The following GSE1 variants were observed in gnomAD, a reference collection of about 807,000 sequenced individuals.
The protein encoded by GSE1 is Gse1 coiled-coil protein, also known as genetic suppressor element 1.
GSE1 carries 32 observed loss-of-function variants against 112.6 expected under a neutral mutation model. The ratio of observed to expected loss-of-function variants is 0.28; its 90% confidence interval spans 0.21 to 0.38. GSE1 has a LOEUF of 0.38. GSE1 is among the 10% of genes least tolerant of loss of function. The pLI is 1.00. For missense variants in GSE1, 2,348 were observed against 1,699.2 expected, an observed-to-expected ratio of 1.38 and a Z score of -6.71; for synonymous variants, 1,115 against 735.6, an observed-to-expected ratio of 1.52 and a Z score of -8.35.
rs915987143 is a variant in GSE1 at position 85,346,231 on chromosome 16, G to A, written c.2284-11232G>A. Among the ~76,000 whole-genome samples the A allele has an allele frequency of 7.3e-5, 11 of 150,968 alleles. 1 individual carries two copies. The South Asian group carries it at 1.9e-3, about 26-fold the overall frequency. Reference sequence around the variant, plus strand: ...AAGATGGATGCATAGATGGAGGGGCGGGTGGGTGGATGATGGATGGATGGA... The same window carrying A: ...AAGATGGATGCATAGATGGAGGGGCAGGTGGGTGGATGATGGATGGATGGA... On this transcript the variant is annotated intron_variant, in intron 1 of 2. Transcript: ENST00000637419.
At chr16:85,417,012 G>C (rs1230585850) in intron 2 of GSE1, among the ~76,000 whole-genome samples, 1 of 152,216 alleles carries the variant, frequency 6.6e-6, no homozygotes, top group Admixed American at 6.5e-5. Flanking sequence ...AAGCCACCAT[G>C]CCCGGCTAAT....
chr16:85,375,785 C>T lies in GSE1; in HGVS notation c.2464+18142C>T, dbSNP rs114410530. Among the ~76,000 whole-genome samples the T allele has an allele frequency of 1.7e-3, 259 of 152,362 alleles. 1 individual carries two copies. Among genetic ancestry groups the T allele is most frequent in the African/African-American group, 5.9e-3 (245 of 41,590 alleles). On this transcript the variant is annotated intron_variant, in intron 2 of 2. Coordinates refer to the GSE1 transcript ENST00000637419. The stretch of plus-strand genomic sequence containing the variant: ...GCTCCGTAGCCACACTGCCCGCCTC[C>T]AGTACCCTGGCCCCTGTGACTCTCT...
At chr16:85,579,141 T>A (rs2046347750) in intron 1 of GSE1, among the ~76,000 whole-genome samples, 1 of 152,162 alleles carries the variant, frequency 6.6e-6, no homozygotes, top group Non-Finnish European at 1.5e-5. Context: ...CTTGGTGGTG[T>A]CAGCTTGGAG....
At chr16:85,634,663 G>GC (rs918302144) in intron 2 of GSE1, among the ~76,000 whole-genome samples, 3 of 152,188 alleles carry the variant, frequency 2.0e-5, no homozygotes, top group African/African-American at 7.2e-5. Context: ...TAGACAAGCG[G>GC]CCCCCGGGGT....
intron 2 of GSE1, among the ~76,000 whole-genome samples, chr16:85,402,146 A>G (rs2048129251): frequency 2.0e-5 from 3 of 152,214 alleles, no homozygotes; most frequent in Admixed American, 2.0e-4. Flanking sequence ...AACGCAGCTT[A>G]CGGCACACTC....
chr16:85,644,405 C>T (rs1244368740), intron 2 of GSE1, among the ~76,000 whole-genome samples: 1 of 151,760 alleles, frequency 6.6e-6, no homozygotes, highest in Non-Finnish European at 1.5e-5. Flanking sequence ...AAGGTGGGCC[C>T]AGCCTGTATG....
intron 2 of GSE1, among the ~76,000 whole-genome samples, chr16:85,519,281 TCACCACCAC>T (rs1482135665): frequency 8.8e-6 from 1 of 113,202 alleles, no homozygotes; most frequent in East Asian, 3.9e-4. Context: ...ATCATCACCA[TCACCACCAC>T]CATCACCGGT....
intron 2 of GSE1, among the ~76,000 whole-genome samples, chr16:85,495,831 G>A (rs2051158294): frequency 6.6e-6 from 1 of 152,202 alleles, no homozygotes. Flanking sequence ...TGCCAGGGCA[G>A]TTAAGGCCTA....
chr16:85,554,012 T>C (rs1353183968), upstream of GSE1, among the ~76,000 whole-genome samples: 3 of 152,206 alleles, frequency 2.0e-5, no homozygotes, highest in Non-Finnish European at 2.9e-5. Context: ...CCTCAAACCA[T>C]GATTGTATCT....
At chr16:85,171,576 C>T in exon 1 of GSE1, 1 of 985,594 alleles carries the variant, frequency 1.0e-6, no homozygotes, top group Non-Finnish European at 1.2e-6. Flanking sequence ...CGTTCGTGTG[C>T]TTCTTTTGTC....
At position 85,246,859 on chromosome 16, in the gene GSE1, G is replaced by A. The variant is rs142382692; in HGVS notation, c.2283+75052G>A. Among the ~76,000 whole-genome samples, 365 of 152,222 alleles carry A rather than the reference G, an allele frequency of 2.4e-3. 1 individual carries two copies. The highest frequency in any genetic ancestry group is 7.5e-3 in the African/African-American group (313 of 41,540). On this transcript the variant is annotated intron_variant, in intron 1 of 2. Transcript: ENST00000637419. ...CTCAGGAAATCAGCCCCTTTGTCAC[G>A]GAGTCCTGGCTGGTTTGTCCCCCAC...
upstream of GSE1, among the ~76,000 whole-genome samples, chr16:85,612,795 C>T (rs778875855): frequency 6.6e-5 from 10 of 152,234 alleles, no homozygotes; most frequent in Non-Finnish European, 1.2e-4. Flanking sequence ...CAAAAGGCCT[C>T]CAGGACACGG....
rs989951062 is a variant in GSE1 at position 85,556,760 on chromosome 16, C to A, written c.37+397C>A. ...CGATCGGGTAGCATGCCCCCCCCCC[C>A]CCCAGTCCTGGGGTTTATTTCCCTC... On this transcript the variant is annotated intron_variant, in intron 1 of 2. Transcript: ENST00000635906. Among the ~76,000 whole-genome samples, 179 of 145,808 alleles carry A rather than the reference C, an allele frequency of 1.2e-3. 2 individuals carry two copies. Among genetic ancestry groups the A allele is most frequent in the African/African-American group, 3.3e-3 (133 of 39,976 alleles).
At chr16:85,600,449 G>A (rs1270895205) in intron 1 of GSE1, among the ~76,000 whole-genome samples, 1 of 152,102 alleles carries the variant, frequency 6.6e-6, no homozygotes, top group Non-Finnish European at 1.5e-5. Context: ...TTTCGTGGGA[G>A]AGGAGAGTGT....
upstream of GSE1, among the ~76,000 whole-genome samples, chr16:85,610,293 A>G (rs1302884014): frequency 2.6e-5 from 4 of 152,194 alleles, no homozygotes; most frequent in Non-Finnish European, 5.9e-5. Context: ...AGCTCCTTCC[A>G]GGCAAATGGG....
intron 1 of GSE1, among the ~76,000 whole-genome samples, chr16:85,286,673 C>A (rs1423270088): frequency 6.6e-6 from 1 of 151,564 alleles, no homozygotes; most frequent in Non-Finnish European, 1.5e-5. Flanking sequence ...TCTATTAGTC[C>A]AATTGCCCAA....
At chr16:85,521,415 C>A (rs1273536517) in intron 2 of GSE1, among the ~76,000 whole-genome samples, 2 of 152,212 alleles carry the variant, frequency 1.3e-5, no homozygotes, top group African/African-American at 2.4e-5. Context: ...CCTCCCAGCC[C>A]AGCCTCCTTG....
chr16:85,302,840 C>G (rs902448701), intron 1 of GSE1, among the ~76,000 whole-genome samples: 2 of 152,204 alleles, frequency 1.3e-5, no homozygotes, highest in African/African-American at 4.8e-5. Context: ...GCGGCTGTCA[C>G]AAGTAACCCT....
At chr16:85,385,312 T>A (rs760120764) in intron 2 of GSE1, among the ~76,000 whole-genome samples, 1 of 152,292 alleles carries the variant, frequency 6.6e-6, no homozygotes, top group South Asian at 2.1e-4. Context: ...TCCTCTCAAC[T>A]GCCCCTTGCC....
Sources: gnomAD v4.1 joint callset for allele counts (sites outside exome capture counted in the v4.1 genomes callset) on GRCh38, gnomAD v4.1.1 for gene constraint, MANE v1.5 for transcripts, NCBI Gene and HGNC (gene_info 2026-07-23, HGNC 2026-07-21) for gene names.